The following CCSER1 variants were observed in gnomAD, a reference collection of about 807,000 sequenced individuals.
CCSER1 encodes the protein serine-rich coiled-coil domain-containing protein 1.
In CCSER1, 41 loss-of-function variants were observed where a neutral mutation model predicts 82.0. That is an observed-to-expected ratio of 0.50 (90% confidence interval 0.39 to 0.65). The LOEUF is 0.65. CCSER1 is among the 30% of genes least tolerant of loss of function. The pLI is 0.00. For synonymous variants in CCSER1, 414 were observed against 383.9 expected (o/e 1.08, Z -0.92); for missense variants, 1,119 against 1,064.2 (o/e 1.05, Z -0.72).
At chr4:90,554,064 T>C (rs1777838710) in intron 5 of CCSER1, among the ~76,000 whole-genome samples, 1 of 152,120 alleles carries the variant, frequency 6.6e-6, no homozygotes, top group Admixed American at 6.5e-5. Context: ...GAGAACACCA[T>C]ATAAATAATA....
chr4:90,851,142 T>G (rs991421463), intron 8 of CCSER1, among the ~76,000 whole-genome samples: 6 of 152,238 alleles, frequency 3.9e-5, no homozygotes, highest in South Asian at 4.1e-4. Flanking sequence ...TCCCTAGGCA[T>G]GTGAAACTGT....
intron 4 of CCSER1, among the ~76,000 whole-genome samples, chr4:90,456,552 G>A (rs989834452): frequency 6.6e-6 from 1 of 152,080 alleles, no homozygotes; most frequent in Non-Finnish European, 1.5e-5. Flanking sequence ...TTTGCCCCAG[G>A]ACCTCCTTCT....
At chr4:91,444,625 T>A (rs900052815) in intron 10 of CCSER1, among the ~76,000 whole-genome samples, 1 of 152,018 alleles carries the variant, frequency 6.6e-6, no homozygotes, top group African/African-American at 2.4e-5. Flanking sequence ...AATTTTTGCA[T>A]TTTTAGTAGA....
chr4:90,909,233 G>A (rs924674021), intron 8 of CCSER1, among the ~76,000 whole-genome samples: 4 of 152,142 alleles, frequency 2.6e-5, no homozygotes, highest in African/African-American at 7.2e-5. Flanking sequence ...TTTGATTTGT[G>A]GCCAATCCTT....
intron 8 of CCSER1, among the ~76,000 whole-genome samples, chr4:90,827,417 G>A (rs1230832779): frequency 2.0e-5 from 3 of 152,172 alleles, no homozygotes; most frequent in Admixed American, 2.0e-4. Context: ...AATTAGGAGA[G>A]TCAAGGTGGG....
At chr4:90,531,028 T>C (rs1033479632) in intron 5 of CCSER1, among the ~76,000 whole-genome samples, 1 of 152,220 alleles carries the variant, frequency 6.6e-6, no homozygotes, top group Non-Finnish European at 1.5e-5. Flanking sequence ...CCTTAATTAG[T>C]AATTGGCTGA....
chr4:91,305,536 A>G (rs2149245547), intron 10 of CCSER1, among the ~76,000 whole-genome samples: 1 of 152,208 alleles, frequency 6.6e-6, no homozygotes, highest in East Asian at 1.9e-4. Flanking sequence ...ACATTGTGTA[A>G]AATACTTCCC....
At chr4:90,979,812 A>G (rs1184720118) in intron 9 of CCSER1, among the ~76,000 whole-genome samples, 23 of 151,736 alleles carry the variant, frequency 1.5e-4, no homozygotes, top group Non-Finnish European at 1.2e-4. Flanking sequence ...ACGGAGATGA[A>G]AGATACTCTC....
intron 10 of CCSER1, among the ~76,000 whole-genome samples, chr4:91,271,228 T>C (rs1329861831): frequency 6.6e-6 from 1 of 152,162 alleles, no homozygotes; most frequent in African/African-American, 2.4e-5. Flanking sequence ...TTTTAACTGG[T>C]CATAAGTTAC....
At chr4:91,400,505 C>T (rs1410190937) in intron 10 of CCSER1, among the ~76,000 whole-genome samples, 1 of 148,498 alleles carries the variant, frequency 6.7e-6, no homozygotes, top group Non-Finnish European at 1.5e-5. Context: ...CTAATTTGTC[C>T]ATATATTATT....
intron 10 of CCSER1, among the ~76,000 whole-genome samples, chr4:91,356,752 A>C (rs1399685214): frequency 6.6e-6 from 1 of 152,176 alleles, no homozygotes; most frequent in Non-Finnish European, 1.5e-5. Context: ...AGGAATGCTA[A>C]GTCTCCTCCC....
chr4:91,276,882 A>G (rs1742508172), intron 10 of CCSER1, among the ~76,000 whole-genome samples: 1 of 152,062 alleles, frequency 6.6e-6, no homozygotes, highest in Non-Finnish European at 1.5e-5. Flanking sequence ...GAATTTTTCC[A>G]AATGCTTTTT....
At chr4:90,934,154 T>A (rs1349689072) in intron 9 of CCSER1, among the ~76,000 whole-genome samples, 1 of 152,020 alleles carries the variant, frequency 6.6e-6, no homozygotes, top group East Asian at 1.9e-4. Context: ...AGGAGGCTAT[T>A]TGATAATGGC....
In CCSER1 at chr4:91,173,435, A is replaced by G. The variant is rs191051365; in HGVS notation, c.2217+87441A>G. 9.6e-4 allele frequency among the ~76,000 whole-genome samples: 146 copies of G among 152,166 alleles called. 1 individual carries two copies. The East Asian group carries it at 0.023, about 24-fold the overall frequency. ...CGGTGAAACCCCGTCTCTACTGAAA[A>G]TACAAAAAATTAGCTGGGCGTGGTG... On this transcript the variant is annotated intron_variant, in intron 10 of 10. Transcript: ENST00000509176.
At chr4:91,150,795 C>T (rs1730100047) in intron 10 of CCSER1, among the ~76,000 whole-genome samples, 2 of 152,278 alleles carry the variant, frequency 1.3e-5, no homozygotes, top group South Asian at 4.1e-4. Context: ...TATGTTGAAC[C>T]AGCCTTGCAT....
chr4:90,692,029 A>ATG (rs1294599439), intron 6 of CCSER1, among the ~76,000 whole-genome samples: 27 of 133,842 alleles, frequency 2.0e-4, no homozygotes, highest in Admixed American at 3.3e-4. Flanking sequence ...TTACAATTCA[A>ATG]TGTGTGTATA....
At chr4:91,126,362 TA>T (rs914929544) in intron 10 of CCSER1, among the ~76,000 whole-genome samples, 3 of 151,926 alleles carry the variant, frequency 2.0e-5, no homozygotes, top group African/African-American at 7.2e-5. Context: ...CAGAAACTTT[TA>T]TGCTTTCTTC....
chr4:90,284,325 T>C (rs1391854841), intron 1 of CCSER1, among the ~76,000 whole-genome samples: 1 of 152,110 alleles, frequency 6.6e-6, no homozygotes, highest in Non-Finnish European at 1.5e-5. Context: ...CAAGCTTTTT[T>C]AGTTGACGTG....
chr4:90,751,523 A>G (rs1748664404), intron 7 of CCSER1, among the ~76,000 whole-genome samples: 1 of 152,114 alleles, frequency 6.6e-6, no homozygotes, highest in Non-Finnish European at 1.5e-5. Context: ...AGAAACATCA[A>G]TATAAATAGT....
Sources: allele counts gnomAD v4.1 joint callset (sites outside exome capture counted in the v4.1 genomes callset), GRCh38; gene constraint gnomAD v4.1.1; transcripts MANE v1.5; gene names NCBI Gene and HGNC (gene_info 2026-07-23, HGNC 2026-07-21).